The following FBRSL1 variants were observed in gnomAD, a reference collection of about 807,000 sequenced individuals.
FBRSL1 encodes the protein fibrosin like 1, also known as fibrosin-1-like protein.
FBRSL1 carries 51 observed loss-of-function variants against 89.6 expected under a neutral mutation model. The observed-to-expected ratio is 0.57, with a 90% CI of 0.45 to 0.72. The LOEUF (loss-of-function observed/expected upper bound fraction) is 0.72, where lower values mean the gene tolerates loss of function less well. Among genes scored for constraint, FBRSL1 ranks in the 30% least tolerant of loss-of-function variants. The pLI, the probability that FBRSL1 is intolerant of heterozygous loss-of-function variation, is 0.00. For synonymous variants in FBRSL1, 779 were observed against 681.1 expected (o/e 1.14, Z -2.24); for missense variants, 1,618 against 1,451.8 (o/e 1.11, Z -1.86).
At chr12:132,497,025 C>T (rs542663347) in intron 1 of FBRSL1, among the ~76,000 whole-genome samples, 2 of 151,680 alleles carry the variant, frequency 1.3e-5, no homozygotes, top group Admixed American at 6.6e-5. Context: ...AGTCTCATTT[C>T]GGGTTGTTTG....
intron 1 of FBRSL1, among the ~76,000 whole-genome samples, chr12:132,491,718 G>A (rs1384424756): frequency 2.6e-5 from 4 of 152,260 alleles, no homozygotes; most frequent in South Asian, 2.1e-4. Context: ...TTTGGGAAAA[G>A]GGGAGATGCC....
rs949454511 is a variant in FBRSL1, at chr12:132,490,616, G to A, written c.46G>A (p.Asp16Asn). 23 of 983,384 alleles carry A rather than the reference G, an allele frequency of 2.3e-5. No individual in the cohort carries two copies. Among genetic ancestry groups the A allele is most frequent in the African/African-American group, 3.5e-5 (2 of 56,588 alleles). 60.9% of individuals were successfully genotyped at this position (983,384 alleles called of 1,614,324 possible). A position where few individuals can be genotyped will look rare whatever the true frequency, so the allele number is the denominator to read the frequency against. Residue 16 changes from aspartate (D) to asparagine (N), a missense_variant, in exon 1 of 19, where the codon GAC (aspartate) becomes AAC (asparagine). Coordinates refer to ENST00000680143, the MANE Select transcript of FBRSL1 (RefSeq NM_001367871.1). The part of the protein sequence containing the change: ...RPSRRSRAQR[D>N]RGRRREAARD... ...GAGCCGGCGCTCGCGCGCGCAGCGG[G>A]ACCGTGGCCGGCGCCGGGAGGCCGC...
At chr12:132,536,003 C>T (rs564934924) in intron 4 of FBRSL1, among the ~76,000 whole-genome samples, 202 of 149,204 alleles carry the variant, frequency 1.4e-3, no homozygotes, top group African/African-American at 2.8e-3. Context: ...GTACATGATG[C>T]GTGGATGTTT....
At chr12:132,543,577 C>G (rs190398284) in intron 4 of FBRSL1, among the ~76,000 whole-genome samples, 10 of 152,288 alleles carry the variant, frequency 6.6e-5, no homozygotes, top group Non-Finnish European at 1.3e-4. Flanking sequence ...CAAATGTTGG[C>G]AGCCAATTTT....
intron 14 of FBRSL1, among the ~76,000 whole-genome samples, chr12:132,575,105 C>T (rs748013793): frequency 3.3e-5 from 5 of 152,122 alleles, no homozygotes; most frequent in East Asian, 3.9e-4. Context: ...GCCTCAGCCC[C>T]GTGGGACCCT....
At chr12:132,582,391 C>T in intron 18 of FBRSL1, 125 bp downstream of exon 18, 3 of 671,142 alleles carry the variant, frequency 4.5e-6, no homozygotes, top group East Asian at 2.7e-5. Context: ...CTCACCGTTC[C>T]CCCTCCCCCT....
chr12:132,581,629 C>A, intron 16 of FBRSL1, 112 bp from the exon 17 acceptor site: 1 of 1,472,478 alleles, frequency 6.8e-7, no homozygotes, highest in Non-Finnish European at 9.3e-7. Context: ...CCCCTTGGGT[C>A]ATGCAGGCAG....
intron 4 of FBRSL1, 71 bp downstream of exon 4, chr12:132,528,059 G>A: frequency 1.4e-6 from 2 of 1,394,182 alleles, no homozygotes; most frequent in Non-Finnish European, 2.0e-6. Flanking sequence ...CACCTCACCT[G>A]TCCGAGGCCC....
chr12:132,511,104 T>C, intron 2 of FBRSL1: 1 of 985,500 alleles, frequency 1.0e-6, no homozygotes, highest in African/African-American at 1.7e-5. Flanking sequence ...GAGGTGCTGG[T>C]GTCCACCTCC....
rs527905271 is a variant in FBRSL1, at chr12:132,501,567, G to C, written c.292-6586G>C. 7.9e-5 allele frequency among the ~76,000 whole-genome samples: 12 copies of C among 152,306 alleles called. No homozygotes were observed. In the South Asian group the frequency reaches 1.7e-3, roughly 21 times the overall value. ...CTCACTGCTGTCATGAGTTCACAGG[G>C]GCCAGTGTGGGCCATGGAAATGAAG... On this transcript the variant is annotated intron_variant, in intron 1 of 18. Transcript: ENST00000680143.
At chr12:132,515,533 A>C (rs1450528606) in intron 2 of FBRSL1, among the ~76,000 whole-genome samples, 1 of 151,614 alleles carries the variant, frequency 6.6e-6, no homozygotes, top group Non-Finnish European at 1.5e-5. Flanking sequence ...AAGAAACCAA[A>C]AAAAAAAAAA....
intron 8 of FBRSL1, 100 bp downstream of exon 8, chr12:132,570,640 G>C: frequency 9.3e-7 from 1 of 1,075,190 alleles, no homozygotes; most frequent in Non-Finnish European, 1.3e-6. Context: ...CACCTGCTGT[G>C]GTCTCTGCGG....
At chr12:132,507,244 C>T (rs377625475) in intron 1 of FBRSL1, 1 of 985,422 alleles carries the variant, frequency 1.0e-6, no homozygotes, top group Non-Finnish European at 1.2e-6. Flanking sequence ...CTGCTGTTTT[C>T]CTCACAGCTG....
intron 2 of FBRSL1, 101 bp downstream of exon 2, chr12:132,508,451 C>T: frequency 7.5e-7 from 1 of 1,329,552 alleles, no homozygotes. Context: ...GGCCCCCGGG[C>T]CTGCCTGGCA....
In FBRSL1 at chr12:132,534,021, G is replaced by A. The variant is rs117135847; in HGVS notation, c.615+6033G>A. On this transcript the variant is annotated intron_variant, in intron 4 of 18. Coordinates refer to ENST00000680143, the MANE Select transcript of FBRSL1 (RefSeq NM_001367871.1). Reference sequence around the variant, plus strand: ...GCAGGGGAGCTGGGCCGTAGAGGATGGGAGGCTGTGCAGATAGTACCACTA... The same window carrying A: ...GCAGGGGAGCTGGGCCGTAGAGGATAGGAGGCTGTGCAGATAGTACCACTA... Among the ~76,000 whole-genome samples, 282 of 152,256 alleles carry A rather than the reference G, an allele frequency of 1.9e-3. 11 individuals carry two copies. In the East Asian group the frequency reaches 0.05, roughly 27 times the overall value.
At chr12:132,527,068 A>G (rs1284272210) in intron 3 of FBRSL1, among the ~76,000 whole-genome samples, 1 of 151,960 alleles carries the variant, frequency 6.6e-6, no homozygotes, top group Non-Finnish European at 1.5e-5. Context: ...CTGATGTCTG[A>G]GGGGCCCCCA....
intron 1 of FBRSL1, among the ~76,000 whole-genome samples, chr12:132,501,651 G>A (rs1317699780): frequency 6.6e-6 from 1 of 152,158 alleles, no homozygotes. Flanking sequence ...AGGGGCTGCC[G>A]TGAGCAAATG....
rs987647453 is a variant in FBRSL1, at chr12:132,572,592, C to T, written c.1500C>T (p.Phe500=). 1.3e-5 allele frequency: 20 copies of T among 1,551,084 alleles called. No individual in the cohort carries two copies. Among genetic ancestry groups the T allele is most frequent in the African/African-American group, 1.2e-4 (9 of 73,180 alleles). The part of the protein sequence containing the change: ...LPTLLPHPGP[F]GSLQGAFQPK... ...CCCTGCTCCCACACCCCGGCCCCTT[C>T]GGGTCCCTGCAGGGCGCTTTTCAGC... Residue 500 remains phenylalanine, a synonymous_variant, in exon 11 of 19, where the codon TTC becomes TTT. Coordinates refer to ENST00000680143, the MANE Select transcript of FBRSL1 (RefSeq NM_001367871.1).
At chr12:132,538,242 G>C (rs548233265) in intron 4 of FBRSL1, among the ~76,000 whole-genome samples, 1 of 152,214 alleles carries the variant, frequency 6.6e-6, no homozygotes, top group Non-Finnish European at 1.5e-5. Flanking sequence ...CCAGCCCCAC[G>C]TTCTCGCCGA....
Sources: allele counts gnomAD v4.1 joint callset (sites outside exome capture counted in the v4.1 genomes callset), GRCh38; gene constraint gnomAD v4.1.1; transcripts MANE v1.5; gene names NCBI Gene and HGNC (gene_info 2026-07-23, HGNC 2026-07-21).